The following SPATA13 variants were observed in gnomAD, a reference collection of about 807,000 sequenced individuals.
SPATA13 encodes spermatogenesis associated 13.
SPATA13 carries 50 observed loss-of-function variants against 104.0 expected under a neutral mutation model. The observed-to-expected ratio is 0.48, with a 90% CI of 0.38 to 0.61. The LOEUF (loss-of-function observed/expected upper bound fraction) is 0.61. SPATA13 is among the 20% of genes least tolerant of loss of function. SPATA13 has a pLI of 0.00. For missense variants in SPATA13, 1,524 were observed against 1,690.6 expected, an observed-to-expected ratio of 0.90 and a Z score of 1.73; for synonymous variants, 606 against 667.5, an observed-to-expected ratio of 0.91 and a Z score of 1.42.
At chr13:24,220,298 T>G (rs1271956369) in intron 1 of SPATA13, among the ~76,000 whole-genome samples, 1 of 152,184 alleles carries the variant, frequency 6.6e-6, no homozygotes, top group Non-Finnish European at 1.5e-5. Flanking sequence ...AAAGGTCTTA[T>G]AGTGCCCTCT....
chr13:24,278,938 TTCCTTCCTTCCCTCCTTCCTTCCTTCCC>T, intron 4 of SPATA13: 2 of 856,734 alleles, frequency 2.3e-6, no homozygotes, highest in Non-Finnish European at 3.3e-6. Context: ...CTTTCCTTCC[TTCCTTCCTTCCCTCCTTCCTTCCTTCCC>T]TCCTTCCCTC....
At chr13:23,986,206 T>G (rs890390268) in intron 2 of SPATA13, among the ~76,000 whole-genome samples, 2 of 152,232 alleles carry the variant, frequency 1.3e-5, no homozygotes, top group Non-Finnish European at 1.5e-5. Context: ...TTGTATAACC[T>G]CTTTCTAAGG....
intron 3 of SPATA13, among the ~76,000 whole-genome samples, chr13:24,069,459 C>T (rs1047451170): frequency 5.9e-5 from 9 of 152,138 alleles, no homozygotes; most frequent in Non-Finnish European, 1.0e-4. Flanking sequence ...GTGATTTCTG[C>T]ACATTGATTT....
At chr13:24,249,425 CTT>C in intron 2 of SPATA13, 50 bp from the exon 3 acceptor site, 1 of 1,459,796 alleles carries the variant, frequency 6.9e-7, no homozygotes, top group Non-Finnish European at 9.1e-7. Context: ...CTTGTTCTTT[CTT>C]TAATACCTTC....
chr13:24,013,919 T>C (rs1876592884), intron 2 of SPATA13, among the ~76,000 whole-genome samples: 1 of 152,180 alleles, frequency 6.6e-6, no homozygotes, highest in Non-Finnish European at 1.5e-5. Context: ...TGTAGGCCTT[T>C]CTGACTGCAG....
At chr13:23,990,743 T>C (rs1163769728) in intron 2 of SPATA13, among the ~76,000 whole-genome samples, 1 of 152,226 alleles carries the variant, frequency 6.6e-6, no homozygotes, top group Non-Finnish European at 1.5e-5. Flanking sequence ...TTGTTTCCCG[T>C]GATCACCCAG....
At chr13:24,126,631 A>G (rs537103959) in intron 3 of SPATA13, among the ~76,000 whole-genome samples, 193 of 152,310 alleles carry the variant, frequency 1.3e-3, no homozygotes, top group Non-Finnish European at 7.5e-4. Flanking sequence ...AATATGGCTC[A>G]CTGCAGCCTA....
At chr13:24,109,232 G>C in intron 3 of SPATA13, among the ~76,000 whole-genome samples, 1 of 152,118 alleles carries the variant, frequency 6.6e-6, no homozygotes, top group African/African-American at 2.4e-5. Context: ...TCTTGTGATA[G>C]TTTCCTGAGA....
chr13:24,276,154 G>T lies in SPATA13; in HGVS notation c.2165-7981G>T, dbSNP rs372686533. On this transcript the variant is annotated intron_variant, in intron 4 of 12. Coordinates refer to ENST00000382108, the MANE Select transcript of SPATA13 (RefSeq NM_001166271.3). The stretch of plus-strand genomic sequence containing the variant: ...AGAGTTGTAAGCAGGGTCTCAAAAA[G>T]ATAGTAGCACATTACTCACAATAGC... Among the ~76,000 whole-genome samples, 19 of 152,286 alleles carry T rather than the reference G, an allele frequency of 1.2e-4. No homozygotes were observed. In the South Asian group the frequency reaches 3.9e-3, roughly 32 times the overall value.
intron 3 of SPATA13, among the ~76,000 whole-genome samples, chr13:24,147,030 T>C (rs1397795220): frequency 2.0e-5 from 3 of 152,136 alleles, no homozygotes; most frequent in African/African-American, 7.2e-5. Flanking sequence ...CATTGCCCAA[T>C]AGGCCTCTGG....
At chr13:23,980,533 T>C (rs892010620) in intron 1 of SPATA13, among the ~76,000 whole-genome samples, 5 of 152,208 alleles carry the variant, frequency 3.3e-5, no homozygotes, top group Non-Finnish European at 5.9e-5. Context: ...TTTGAAAATA[T>C]TTGGATTGTG....
chr13:24,112,818 G>A (rs1880690260), intron 3 of SPATA13, among the ~76,000 whole-genome samples: 1 of 152,184 alleles, frequency 6.6e-6, no homozygotes, highest in Admixed American at 6.5e-5. Flanking sequence ...GGTCTTTGCT[G>A]TCATTGCTTC....
intron 4 of SPATA13, among the ~76,000 whole-genome samples, chr13:24,258,244 A>T (rs904393205): frequency 5.3e-5 from 8 of 151,210 alleles, no homozygotes; most frequent in East Asian, 1.9e-4. Context: ...TCAAAAAAAA[A>T]AAAATAAAAA....
intron 3 of SPATA13, among the ~76,000 whole-genome samples, chr13:24,118,157 T>C (rs1880913818): frequency 6.6e-6 from 1 of 152,248 alleles, no homozygotes; most frequent in Admixed American, 6.5e-5. Flanking sequence ...AACCTGAGCG[T>C]AGACCACCAC....
intron 2 of SPATA13, among the ~76,000 whole-genome samples, chr13:23,997,550 G>T (rs111858292): frequency 1.2e-4 from 1 of 8,506 alleles, no homozygotes; most frequent in South Asian, 1.4e-3. Flanking sequence ...AGTCCATTTT[G>T]CATTGCTATA....
intron 3 of SPATA13, chr13:24,122,919 T>G: frequency 1.3e-6 from 1 of 777,982 alleles, no homozygotes; most frequent in Admixed American, 1.7e-5. Flanking sequence ...TTGGGTTATC[T>G]CTTAATGATC....
At chr13:24,068,352 G>T (rs1474626211) in intron 3 of SPATA13, among the ~76,000 whole-genome samples, 1 of 152,142 alleles carries the variant, frequency 6.6e-6, no homozygotes, top group Non-Finnish European at 1.5e-5. Context: ...AGTATTCCAT[G>T]GTATATATGT....
intron 3 of SPATA13, among the ~76,000 whole-genome samples, chr13:24,145,934 G>A (rs1030337437): frequency 1.5e-4 from 23 of 152,218 alleles, no homozygotes; most frequent in African/African-American, 4.8e-4. Flanking sequence ...GAAGGGGGAC[G>A]AGCACTCCCG....
At chr13:24,177,506 A>T (rs543524381) in intron 1 of SPATA13, among the ~76,000 whole-genome samples, 19 of 152,228 alleles carry the variant, frequency 1.2e-4, no homozygotes, top group African/African-American at 4.1e-4. Flanking sequence ...ATTTTTTTAG[A>T]CACAGTCTTA....
Sources: gnomAD v4.1 joint callset for allele counts (sites outside exome capture counted in the v4.1 genomes callset) on GRCh38, gnomAD v4.1.1 for gene constraint, MANE v1.5 for transcripts, NCBI Gene and HGNC (gene_info 2026-07-23, HGNC 2026-07-21) for gene names.